Variants in ABCB5 observed in about 807,000 individuals in gnomAD.
ABCB5 encodes the protein ATP binding cassette subfamily B member 5.
Under a neutral mutation model 144.2 loss-of-function variants are expected in ABCB5, and 155 were observed. The observed-to-expected ratio is 1.08, with a 90% CI of 0.94 to 1.23. The LOEUF (loss-of-function observed/expected upper bound fraction) is 1.23. Ranked by LOEUF, ABCB5 falls within the 50% of genes most tolerant of loss-of-function variation. The probability of loss-of-function intolerance (pLI) is 0.00; values close to 1 mark genes in which losing one functional copy is unlikely to be tolerated. For synonymous variants in ABCB5, 610 were observed against 528.6 expected, an observed-to-expected ratio of 1.15 and a Z score of -2.11; for missense variants, 1,830 against 1,520.8, an observed-to-expected ratio of 1.20 and a Z score of -3.38.
rs746246436 is a variant in ABCB5, at chr7:20,646,030, T to G, written c.873T>G (p.Leu291=). 3 of 1,613,762 alleles carry G rather than the reference T, an allele frequency of 1.9e-6. No individual in the cohort carries two copies. In the African/African-American group the frequency reaches 4.0e-5, roughly 22 times the overall value. ...GGACTATAGCTTCAAAAGTGTCTCT[T>G]GGTGCTGTGTACTTCTTTATGAATG... ...IKRTIASKVS[L]GAVYFFMNGT... is the part of the protein sequence containing the mutation. Residue 291 remains leucine (L), a synonymous_variant, in exon 9 of 28, where the codon CTT becomes CTG. Coordinates refer to ENST00000404938, the MANE Select transcript of ABCB5 (RefSeq NM_001163941.2).
rs1781923848 is a variant in ABCB5 at position 20,723,029 on chromosome 7, G to C, written c.2435G>C (p.Arg812Thr). Residue 812 changes from arginine to threonine, a missense_variant, in exon 21 of 28, where the codon AGG (arginine) becomes ACG (threonine). Transcript: ENST00000404938. Reference sequence around the variant, plus strand: ...GTCTGATTATAGGCAACAGGTTCCAGGATTGGCGTCTTAACACAAAATGCA... The same window carrying C: ...GTCTGATTATAGGCAACAGGTTCCACGATTGGCGTCTTAACACAAAATGCA... Reference protein sequence around the residue: ...IAQIQGATGSRIGVLTQNATN... With the variant: ...IAQIQGATGSTIGVLTQNATN... 11 of 1,614,026 alleles carry C rather than the reference G, an allele frequency of 6.8e-6. No individual in the cohort carries two copies. Among genetic ancestry groups the C allele is most frequent in the Middle Eastern group, 1.7e-4 (1 of 6,058 alleles).
intron 15 of ABCB5, among the ~76,000 whole-genome samples, chr7:20,683,911 T>C (rs888057035): frequency 6.6e-6 from 1 of 151,440 alleles, no homozygotes; most frequent in Non-Finnish European, 1.5e-5. Flanking sequence ...CGAGAAGCAA[T>C]ATAGCAATGT....
intron 16 of ABCB5, among the ~76,000 whole-genome samples, chr7:20,694,314 G>A (rs770512981): frequency 4.0e-5 from 6 of 151,874 alleles, no homozygotes; most frequent in Non-Finnish European, 5.9e-5. Context: ...TGAAAAGTTG[G>A]TTTAACATTC....
At chr7:20,661,740 G>T (rs527736197) in intron 14 of ABCB5, among the ~76,000 whole-genome samples, 25 of 151,544 alleles carry the variant, frequency 1.6e-4, no homozygotes, top group African/African-American at 5.3e-4. Context: ...TCACCATGTT[G>T]GTCAGGCTGG....
intron 16 of ABCB5, among the ~76,000 whole-genome samples, chr7:20,695,434 CT>C (rs1202228038): frequency 6.6e-6 from 1 of 151,606 alleles, no homozygotes; most frequent in East Asian, 1.9e-4. Context: ...GATTAAAGCC[CT>C]TACGTAAAAC....
chr7:20,731,178 C>G (rs1583457482), intron 23 of ABCB5, among the ~76,000 whole-genome samples: 1 of 151,878 alleles, frequency 6.6e-6, no homozygotes, highest in East Asian at 1.9e-4. Flanking sequence ...CATGGTGAAA[C>G]CCCGTCTCTA....
intron 4 of ABCB5, 33 bp downstream of exon 4, chr7:20,628,871 A>G (rs753050399): frequency 6.2e-7 from 1 of 1,607,408 alleles, no homozygotes; most frequent in South Asian, 1.1e-5. Context: ...GTATCACTTA[A>G]GACACAAAAG....
intron 20 of ABCB5, among the ~76,000 whole-genome samples, chr7:20,712,275 A>G (rs1171642316): frequency 2.1e-5 from 3 of 144,158 alleles, no homozygotes; most frequent in Non-Finnish European, 4.5e-5. Flanking sequence ...ATCATAATGT[A>G]TATTTCTTCC....
intron 14 of ABCB5, among the ~76,000 whole-genome samples, chr7:20,669,723 TAAAAAAA>T (rs35747177): frequency 6.1e-5 from 4 of 65,584 alleles, no homozygotes; most frequent in Non-Finnish European, 1.3e-4. Flanking sequence ...GAATGATCAA[TAAAAAAA>T]AAAAAAAAAA....
intron 17 of ABCB5, among the ~76,000 whole-genome samples, chr7:20,699,318 A>AT (rs1243429559): frequency 1.3e-5 from 2 of 152,156 alleles, no homozygotes; most frequent in Admixed American, 6.5e-5. Context: ...AAAGCAAGTT[A>AT]TTTTTTATCA....
chr7:20,729,346 G>T (rs1268840329), intron 23 of ABCB5, among the ~76,000 whole-genome samples: 1 of 152,170 alleles, frequency 6.6e-6, no homozygotes, highest in Non-Finnish European at 1.5e-5. Flanking sequence ...CTCTCAGTGT[G>T]GAGATGGCTT....
In ABCB5 at chr7:20,755,728, C is replaced by A; in HGVS notation, c.*104C>A. The A allele has an allele frequency of 1.9e-6, 2 of 1,032,102 alleles. No homozygotes were observed. The highest frequency in any genetic ancestry group is 2.9e-6 in the Non-Finnish European group (2 of 699,340). 63.9% of individuals were successfully genotyped at this position (1,032,102 alleles called of 1,614,324 possible). ...TCTCTTTTATTGCATATATCAATAC[C>A]TAGAATCATGCTACTCAAGTACATA... is the stretch of plus-strand genomic sequence containing the variant. On this transcript the variant is annotated 3_prime_UTR_variant, in exon 28 of 28. Coordinates refer to ENST00000404938, the MANE Select transcript of ABCB5 (RefSeq NM_001163941.2).
chr7:20,672,629 CCT>C lies in ABCB5; in HGVS notation c.1708-8873_1708-8872del, dbSNP rs1258210663. Among the ~76,000 whole-genome samples the C allele has an allele frequency of 2.6e-5, 4 of 152,076 alleles. No individual in the cohort carries two copies. In the East Asian group the frequency reaches 7.7e-4, roughly 29 times the overall value. On this transcript the variant is annotated intron_variant, in intron 14 of 27. Transcript: ENST00000404938. ...CCAAATTTAAGGTCACAAAGACTTT[CCT>C]CTGTTTTCTTCTGAAGGTATTATAG...
chr7:20,674,101 C>T (rs890030225), intron 14 of ABCB5, among the ~76,000 whole-genome samples: 7 of 151,936 alleles, frequency 4.6e-5, no homozygotes, highest in African/African-American at 1.7e-4. Flanking sequence ...CTTACTTCTA[C>T]ATATGTTATA....
At chr7:20,714,471 C>T (rs188617737) in intron 20 of ABCB5, among the ~76,000 whole-genome samples, 7 of 152,024 alleles carry the variant, frequency 4.6e-5, no homozygotes, top group African/African-American at 1.4e-4. Flanking sequence ...TCTTTAAGAC[C>T]ACATTCCGTT....
At chr7:20,642,531 T>A (rs1007797712) in intron 5 of ABCB5, among the ~76,000 whole-genome samples, 1 of 152,188 alleles carries the variant, frequency 6.6e-6, no homozygotes, top group Admixed American at 6.5e-5. Context: ...AACCTATTTT[T>A]TTTTCTCCTT....
At chr7:20,706,183 C>T (rs965281402) in intron 20 of ABCB5, among the ~76,000 whole-genome samples, 25 of 152,112 alleles carry the variant, frequency 1.6e-4, no homozygotes, top group African/African-American at 6.0e-4. Context: ...ATCTGATTAA[C>T]TTCTGAGTTT....
At chr7:20,702,860 T>C (rs1450225441) in intron 19 of ABCB5, among the ~76,000 whole-genome samples, 1 of 138,930 alleles carries the variant, frequency 7.2e-6, no homozygotes, top group Non-Finnish European at 1.5e-5. Context: ...GTATTTTTAG[T>C]GGAGATGGGA....
chr7:20,683,701 C>A (rs944883518), intron 15 of ABCB5, among the ~76,000 whole-genome samples: 3 of 151,932 alleles, frequency 2.0e-5, no homozygotes, highest in Non-Finnish European at 4.4e-5. Flanking sequence ...ATAACAACAC[C>A]GTTTTAAATA....
Sources: gnomAD v4.1 joint callset for allele counts (sites outside exome capture counted in the v4.1 genomes callset) on GRCh38, gnomAD v4.1.1 for gene constraint, MANE v1.5 for transcripts, NCBI Gene and HGNC (gene_info 2026-07-23, HGNC 2026-07-21) for gene names.